The following ETFA variants were observed in gnomAD, a reference collection of about 807,000 sequenced individuals.
The protein encoded by ETFA is electron transfer flavoprotein subunit alpha, also known as electron transfer flavoprotein subunit alpha, mitochondrial.
In ETFA, 22 loss-of-function variants were observed where a neutral mutation model predicts 46.2. The ratio of observed to expected loss-of-function variants is 0.48; its 90% CI spans 0.34 to 0.68. ETFA has a LOEUF of 0.68. Among genes scored for constraint, ETFA ranks in the 30% least tolerant of loss-of-function variants. The pLI, the probability that ETFA is intolerant of heterozygous loss-of-function variation, is 0.01. For synonymous variants in ETFA, 131 were observed against 139.9 expected, an observed-to-expected ratio of 0.94 and a Z score of 0.45; for missense variants, 345 against 401.1, an observed-to-expected ratio of 0.86 and a Z score of 1.19.
chr15:76,280,483 C>G (rs999449974), intron 8 of ETFA, among the ~76,000 whole-genome samples: 4 of 152,198 alleles, frequency 2.6e-5, no homozygotes, highest in African/African-American at 9.6e-5. Context: ...CTGGTCCAAA[C>G]TATGAGTATC....
intron 1 of ETFA, among the ~76,000 whole-genome samples, chr15:76,303,812 T>G (rs1469698598): frequency 6.6e-6 from 1 of 152,208 alleles, no homozygotes; most frequent in Admixed American, 6.5e-5. Context: ...GCTGGCAAGG[T>G]TGCAGAGAAA....
intron 1 of ETFA, among the ~76,000 whole-genome samples, chr15:76,309,553 A>G (rs2039969811): frequency 6.6e-6 from 1 of 152,258 alleles, no homozygotes; most frequent in African/African-American, 2.4e-5. Flanking sequence ...ACCACAATGA[A>G]TATCTGGAAG....
intron 9 of ETFA, among the ~76,000 whole-genome samples, chr15:76,262,687 T>G (rs972949963): frequency 6.6e-5 from 10 of 152,040 alleles, no homozygotes; most frequent in African/African-American, 2.4e-4. Context: ...TTTCACCGTG[T>G]AATCCAGGAT....
chr15:76,293,968 T>G (rs2039793799), intron 2 of ETFA, among the ~76,000 whole-genome samples: 1 of 149,192 alleles, frequency 6.7e-6, no homozygotes, highest in Admixed American at 6.8e-5. Context: ...ATTTTCCCAT[T>G]GAAACTATCT....
At chr15:76,280,917 CTTTTTTT>C (rs35907442) in intron 8 of ETFA, among the ~76,000 whole-genome samples, 1 of 102,064 alleles carries the variant, frequency 9.8e-6, no homozygotes, top group African/African-American at 4.0e-5. Flanking sequence ...GTTCAGATGT[CTTTTTTT>C]TTTTTTTTTT....
chr15:76,293,950 G>T (rs1401420219), intron 2 of ETFA, among the ~76,000 whole-genome samples: 2 of 152,006 alleles, frequency 1.3e-5, no homozygotes, highest in East Asian at 3.9e-4. Flanking sequence ...GATAGAAAAT[G>T]GGGCAGAATT....
chr15:76,310,337 C>T (rs188696706), intron 1 of ETFA, among the ~76,000 whole-genome samples: 80 of 128,770 alleles, frequency 6.2e-4, no homozygotes, highest in South Asian at 2.4e-4. Context: ...AGAGAAAAAT[C>T]CCAGGAGTGG....
intron 1 of ETFA, among the ~76,000 whole-genome samples, chr15:76,302,966 C>T (rs2039895555): frequency 6.6e-6 from 1 of 152,130 alleles, no homozygotes; most frequent in Non-Finnish European, 1.5e-5. Flanking sequence ...CAGATGTGTA[C>T]TACCACACAG....
chr15:76,267,019 T>C (rs2039476458), intron 9 of ETFA, among the ~76,000 whole-genome samples: 1 of 152,248 alleles, frequency 6.6e-6, no homozygotes, highest in Admixed American at 6.5e-5. Flanking sequence ...ACCTATACTA[T>C]GTCTCATCTC....
chr15:76,225,553 T>C lies in ETFA; in HGVS notation c.963+296A>G, dbSNP rs145400891. On this transcript the variant is annotated intron_variant, in intron 11 of 11. Coordinates refer to ENST00000557943, the MANE Select transcript of ETFA (RefSeq NM_000126.4). ...ATCCGCCCGCCTCCGCCTCCCAAAG[T>C]GCTGGGATTACAGGTGTGAGCCACC... Among the ~76,000 whole-genome samples the C allele has an allele frequency of 0.038, 5,745 of 152,194 alleles. 161 individuals carry two copies. The highest frequency in any genetic ancestry group is 0.12 in the South Asian group (580 of 4,816).
Position 76,260,185 on chromosome 15 carries a change from G to A in ETFA, c.816+14227C>T, listed in dbSNP as rs969694395. 2.0e-5 allele frequency: 29 copies of A among 1,421,418 alleles called. No individual in the cohort carries two copies. The Admixed American group carries it at 3.7e-4, about 18-fold the overall frequency. The allele number at this position is 1,421,418 out of a possible 1,614,324, so 88.1% of individuals were successfully genotyped here. On this transcript the variant is annotated intron_variant, in intron 9 of 11. Transcript: ENST00000557943. ...TGCTCTGGGATGAGCACATCCTCCAGTTTTTCCTTTAGTTCGCTGTTGATG... is the reference window on the plus strand; with the variant it reads ...TGCTCTGGGATGAGCACATCCTCCAATTTTTCCTTTAGTTCGCTGTTGATG...
At chr15:76,293,991 C>CA (rs11384573) in intron 2 of ETFA, among the ~76,000 whole-genome samples, 43,448 of 152,024 alleles carry the variant, frequency 0.29, 6,645 homozygotes, top group East Asian at 0.58. Flanking sequence ...TTTTTACTGG[C>CA]AAAACGGCTG....
intron 9 of ETFA, chr15:76,259,710 C>T (rs78498285): frequency 2.2e-5 from 27 of 1,247,576 alleles, no homozygotes; most frequent in Middle Eastern, 2.0e-4. Flanking sequence ...GCCACACACA[C>T]GGTCATGTCC....
intron 9 of ETFA, among the ~76,000 whole-genome samples, chr15:76,237,218 A>G (rs953215786): frequency 1.3e-5 from 2 of 151,964 alleles, no homozygotes; most frequent in African/African-American, 4.8e-5. Flanking sequence ...TCGCCCGGCT[A>G]ATTTTTGTAC....
chr15:76,268,905 T>C (rs2039500302), intron 9 of ETFA, among the ~76,000 whole-genome samples: 2 of 152,326 alleles, frequency 1.3e-5, no homozygotes, highest in African/African-American at 4.8e-5. Flanking sequence ...TACTCTTAAA[T>C]GCCATCTGGA....
intron 1 of ETFA, 49 bp from the exon 2 acceptor site, chr15:76,295,786 G>GTTTTTTT: frequency 9.1e-7 from 1 of 1,102,218 alleles, no homozygotes; most frequent in Non-Finnish European, 1.3e-6. Context: ...TTGTCACAGG[G>GTTTTTTT]TTTTTTTTTT....
intron 9 of ETFA, among the ~76,000 whole-genome samples, chr15:76,244,830 T>C (rs960936261): frequency 3.2e-4 from 49 of 152,352 alleles, no homozygotes; most frequent in African/African-American, 1.1e-3. Flanking sequence ...CATGTCAATT[T>C]ATCATTATTG....
At chr15:76,257,506 A>G (rs1197985085) in intron 9 of ETFA, among the ~76,000 whole-genome samples, 1 of 152,246 alleles carries the variant, frequency 6.6e-6, no homozygotes, top group African/African-American at 2.4e-5. Context: ...ATCATTAAAA[A>G]GTCAGGAAAC....
chr15:76,231,729 G>A (rs1367585813), intron 9 of ETFA, among the ~76,000 whole-genome samples: 6 of 151,968 alleles, frequency 3.9e-5, no homozygotes, highest in Non-Finnish European at 2.9e-5. Context: ...TTTCATCTGT[G>A]GCACTCACTT....
Sources: allele counts gnomAD v4.1 joint callset (sites outside exome capture counted in the v4.1 genomes callset), GRCh38; gene constraint gnomAD v4.1.1; transcripts MANE v1.5; gene names NCBI Gene and HGNC (gene_info 2026-07-23, HGNC 2026-07-21).